The following CDH8 variants were observed in gnomAD, a reference collection of about 807,000 sequenced individuals.
CDH8 encodes the protein cadherin-8.
Under a neutral mutation model 68.1 loss-of-function variants are expected in CDH8, and 17 were observed. That is an observed-to-expected ratio of 0.25 (90% CI 0.17 to 0.37). The LOEUF is 0.37. Ranked by LOEUF, CDH8 falls within the 10% of genes least tolerant of loss-of-function variation. The probability of loss-of-function intolerance (pLI) is 1.00; values close to 1 mark genes in which losing one functional copy is unlikely to be tolerated. For synonymous variants in CDH8, 372 were observed against 365.1 expected (o/e 1.02, Z -0.21); for missense variants, 763 against 999.3 (o/e 0.76, Z 3.19).
In CDH8 at chr16:61,729,300, G is replaced by C. The variant is rs76448735; in HGVS notation, c.1415-2085C>G. ...TACATGTGTATTTGTGCCTCTGTGT[G>C]TGTGTATGTGTGTATGAAGGTTACT... On this transcript the variant is annotated intron_variant, in intron 8 of 11. Coordinates refer to ENST00000577390, the MANE Select transcript of CDH8 (RefSeq NM_001796.5). 7.6e-3 allele frequency among the ~76,000 whole-genome samples: 1,147 copies of C among 151,252 alleles called. 10 individuals are homozygous for C. Among genetic ancestry groups the C allele is most frequent in the African/African-American group, 0.026 (1,078 of 41,410 alleles).
chr16:61,854,140 A>T (rs891693719), intron 4 of CDH8, among the ~76,000 whole-genome samples: 45 of 151,862 alleles, frequency 3.0e-4, no homozygotes, highest in African/African-American at 9.2e-4. Flanking sequence ...ACACACACAC[A>T]CACACACACA....
At chr16:61,704,850 C>G (rs1287766126) in intron 10 of CDH8, among the ~76,000 whole-genome samples, 1 of 152,132 alleles carries the variant, frequency 6.6e-6, no homozygotes, top group Non-Finnish European at 1.5e-5. Context: ...AGAGAAAAAA[C>G]TGAGTTCCAG....
intron 3 of CDH8, among the ~76,000 whole-genome samples, chr16:61,891,186 T>C (rs954561943): frequency 2.6e-5 from 4 of 152,080 alleles, no homozygotes; most frequent in African/African-American, 9.7e-5. Flanking sequence ...TGGCAGCCCA[T>C]ACAGGGCAAT....
chr16:61,734,228 A>G (rs560034287), intron 8 of CDH8, among the ~76,000 whole-genome samples: 1 of 152,224 alleles, frequency 6.6e-6, no homozygotes, highest in South Asian at 2.1e-4. Context: ...TGGAGGGTTT[A>G]AAGAGGATGG....
chr16:61,826,167 G>A, intron 4 of CDH8, among the ~76,000 whole-genome samples: 1 of 151,838 alleles, frequency 6.6e-6, no homozygotes, highest in East Asian at 1.9e-4. Flanking sequence ...GCAGCATTCT[G>A]AGACTTTCTT....
At chr16:61,916,615 T>A (rs975791187) in intron 2 of CDH8, among the ~76,000 whole-genome samples, 8 of 152,192 alleles carry the variant, frequency 5.3e-5, no homozygotes, top group Admixed American at 3.3e-4. Flanking sequence ...CTCTTTAAAC[T>A]TTTTTGTATT....
intron 10 of CDH8, among the ~76,000 whole-genome samples, chr16:61,690,434 A>G (rs1473011714): frequency 2.0e-5 from 3 of 152,024 alleles, no homozygotes; most frequent in Admixed American, 2.0e-4. Flanking sequence ...CATCTATATA[A>G]GCTCTACTAT....
At chr16:61,761,820 T>C (rs1307255552) in intron 8 of CDH8, among the ~76,000 whole-genome samples, 1 of 151,908 alleles carries the variant, frequency 6.6e-6, no homozygotes, top group African/African-American at 2.4e-5. Flanking sequence ...CCGGGCAATA[T>C]ACTGAGACTC....
intron 10 of CDH8, among the ~76,000 whole-genome samples, chr16:61,664,399 A>T (rs1219209620): frequency 6.6e-6 from 1 of 152,078 alleles, no homozygotes; most frequent in Non-Finnish European, 1.5e-5. Flanking sequence ...TTGCAGATGC[A>T]TAATGAGTTT....
intron 2 of CDH8, among the ~76,000 whole-genome samples, chr16:61,972,595 T>TGTGTGTGTGTGTG (rs1469637497): frequency 3.3e-5 from 5 of 151,608 alleles, no homozygotes; most frequent in Admixed American, 1.3e-4. Context: ...TGTGTGTGTG[T>TGTGTGTGTGTGTG]GTGTGTGTGT....
intron 8 of CDH8, among the ~76,000 whole-genome samples, chr16:61,758,638 G>C (rs945078324): frequency 1.3e-5 from 2 of 152,024 alleles, no homozygotes; most frequent in Admixed American, 6.6e-5. Flanking sequence ...TCTCCATGTT[G>C]GCCAGGCTGT....
chr16:61,771,918 C>T (rs999704323), intron 8 of CDH8, among the ~76,000 whole-genome samples: 2 of 151,828 alleles, frequency 1.3e-5, no homozygotes. Flanking sequence ...ACTTGTCATC[C>T]ACACCTCCCT....
intron 2 of CDH8, among the ~76,000 whole-genome samples, chr16:61,913,559 C>T (rs2143337590): frequency 6.6e-6 from 1 of 152,120 alleles, no homozygotes; most frequent in African/African-American, 2.4e-5. Flanking sequence ...TCGGGTCATT[C>T]TAATTAAATG....
chr16:61,894,437 T>C (rs1399395956), intron 3 of CDH8, among the ~76,000 whole-genome samples: 1 of 152,156 alleles, frequency 6.6e-6, no homozygotes, highest in Non-Finnish European at 1.5e-5. Context: ...GTGTATTTGA[T>C]ATCAATGGTG....
At chr16:61,975,749 T>C (rs1965423631) in intron 2 of CDH8, among the ~76,000 whole-genome samples, 1 of 152,186 alleles carries the variant, frequency 6.6e-6, no homozygotes, top group South Asian at 2.1e-4. Context: ...CTTACAAAAC[T>C]GTCCTTTTAA....
intron 8 of CDH8, among the ~76,000 whole-genome samples, chr16:61,745,286 C>T (rs79639888): frequency 0.17 from 25,691 of 151,468 alleles, 2,177 homozygotes; most frequent in Middle Eastern, 0.25. Flanking sequence ...ATTTTAAATT[C>T]TCATTGTCTT....
intron 10 of CDH8, among the ~76,000 whole-genome samples, chr16:61,671,060 C>G (rs1038147857): frequency 6.6e-6 from 1 of 152,028 alleles, no homozygotes; most frequent in Non-Finnish European, 1.5e-5. Context: ...AATTTCAACC[C>G]CATTACCACT....
chr16:62,011,551 G>A (rs925063250), intron 2 of CDH8, among the ~76,000 whole-genome samples: 1 of 152,152 alleles, frequency 6.6e-6, no homozygotes, highest in Non-Finnish European at 1.5e-5. Flanking sequence ...TGGGTACAGA[G>A]AGCAAAAAAG....
chr16:61,854,846 TAG>T lies in CDH8; in HGVS notation c.667+2271_667+2272del, dbSNP rs1366887937. Among the ~76,000 whole-genome samples, 3 of 152,246 alleles carry T rather than the reference TAG, an allele frequency of 2.0e-5. No individual in the cohort carries two copies. In the East Asian group the frequency reaches 5.8e-4, roughly 29 times the overall value. ...TTTTTAAGAGAGAGGTCCTCAAAGATAGAGTCTAATTTAGATTCTTAGGGACA... is the reference window on the plus strand; with the variant it reads ...TTTTTAAGAGAGAGGTCCTCAAAGATAGTCTAATTTAGATTCTTAGGGACA... On this transcript the variant is annotated intron_variant, in intron 4 of 11. Coordinates refer to ENST00000577390, the MANE Select transcript of CDH8 (RefSeq NM_001796.5).
Sources: allele counts gnomAD v4.1 joint callset (sites outside exome capture counted in the v4.1 genomes callset), GRCh38; gene constraint gnomAD v4.1.1; transcripts MANE v1.5; gene names NCBI Gene and HGNC (gene_info 2026-07-23, HGNC 2026-07-21).